The following PRCP variants were observed in gnomAD, a reference collection of about 807,000 sequenced individuals.
The protein encoded by PRCP is prolylcarboxypeptidase.
Under a neutral mutation model 54.2 loss-of-function variants are expected in PRCP, and 46 were observed. The ratio of observed to expected loss-of-function variants is 0.85; its 90% CI spans 0.67 to 1.09. PRCP has a LOEUF of 1.09. PRCP is among the 50% of genes least tolerant of loss of function. The probability of loss-of-function intolerance (pLI) is 0.00; values close to 1 mark genes in which losing one functional copy is unlikely to be tolerated. For missense variants in PRCP, 613 were observed against 596.8 expected (o/e 1.03, Z -0.28); for synonymous variants, 240 against 212.2 (o/e 1.13, Z -1.14).
At chr11:82,847,944 TTTGTA>T (rs1335853582) in intron 6 of PRCP, among the ~76,000 whole-genome samples, 2 of 152,196 alleles carry the variant, frequency 1.3e-5, no homozygotes, top group African/African-American at 4.8e-5. Context: ...TTTCAACAAC[TTTGTA>T]TTGTTGAAAT....
At chr11:82,860,903 G>A (rs946414063) in intron 1 of PRCP, among the ~76,000 whole-genome samples, 2 of 152,104 alleles carry the variant, frequency 1.3e-5, no homozygotes, top group African/African-American at 4.8e-5. Flanking sequence ...GTGCAAGGAA[G>A]CAAGAAAGTG....
chr11:82,861,831 T>C (rs1341807989), intron 1 of PRCP, among the ~76,000 whole-genome samples: 1 of 152,206 alleles, frequency 6.6e-6, no homozygotes, highest in Non-Finnish European at 1.5e-5. Flanking sequence ...GATTGGATCC[T>C]AGTTTGAACA....
Position 82,860,015 on chromosome 11 carries a change from C to T in PRCP, c.271G>A (p.Gly91Ser), listed in dbSNP as rs1241729781. ...KNGGSILFYTGNEGDIIWFCN... is the reference protein window; with the variant it reads ...KNGGSILFYTSNEGDIIWFCN... ...AACCAGATAATGTCCCCTTCATTAC[C>T]AGTGTAGAAAAGTATTGATCCACCA... Residue 91 changes from glycine to serine, a missense_variant, in exon 2 of 9, where the codon GGT (glycine) becomes AGT (serine). Coordinates refer to ENST00000313010, the MANE Select transcript of PRCP (RefSeq NM_005040.4). The T allele has an allele frequency of 6.3e-7, 1 of 1,589,568 alleles. No individual in the cohort carries two copies. Among genetic ancestry groups the T allele is most frequent in the Non-Finnish European group, 8.5e-7 (1 of 1,169,626 alleles).
chr11:82,857,583 C>T (rs1480984662), intron 2 of PRCP, among the ~76,000 whole-genome samples: 1 of 152,226 alleles, frequency 6.6e-6, no homozygotes, highest in African/African-American at 2.4e-5. Flanking sequence ...AGGTAGTCAA[C>T]ATCAATCGAT....
intron 8 of PRCP, chr11:82,827,544 C>T (rs148386735): frequency 5.9e-4 from 90 of 152,228 alleles, no homozygotes; most frequent in African/African-American, 2.1e-3. Context: ...ATTGTCTTGC[C>T]ACTTTTGTTA....
chr11:82,851,945 A>C (rs1858968706), intron 3 of PRCP, among the ~76,000 whole-genome samples: 1 of 151,710 alleles, frequency 6.6e-6, no homozygotes, highest in South Asian at 2.1e-4. Context: ...AGTTGAGTGC[A>C]TTTTTTTTCT....
intron 1 of PRCP, among the ~76,000 whole-genome samples, chr11:82,891,066 C>G (rs985518978): frequency 2.0e-5 from 3 of 152,164 alleles, no homozygotes; most frequent in Non-Finnish European, 4.4e-5. Context: ...GTATTACTTG[C>G]CCCACCTTTC....
At chr11:82,897,137 C>T (rs1029339328) in intron 1 of PRCP, among the ~76,000 whole-genome samples, 2 of 152,132 alleles carry the variant, frequency 1.3e-5, no homozygotes, top group Non-Finnish European at 2.9e-5. Flanking sequence ...CCCAGAGCCT[C>T]GATGTGCCCA....
At chr11:82,835,303 C>G (rs1403663672) in intron 8 of PRCP, among the ~76,000 whole-genome samples, 1 of 152,170 alleles carries the variant, frequency 6.6e-6, no homozygotes, top group African/African-American at 2.4e-5. Flanking sequence ...GTGCCACTAG[C>G]CTAAACTCAG....
chr11:82,874,795 G>C (rs909268785), intron 1 of PRCP, among the ~76,000 whole-genome samples: 13 of 151,776 alleles, frequency 8.6e-5, no homozygotes, highest in Admixed American at 5.9e-4. Context: ...GGTCAGAAAA[G>C]AAGTCCTGGA....
At chr11:82,900,117 G>T in intron 1 of PRCP, 118 bp downstream of exon 1, 1 of 1,327,932 alleles carries the variant, frequency 7.5e-7, no homozygotes, top group Non-Finnish European at 1.0e-6. Context: ...GCCAAAAACC[G>T]AACAGATCCT....
intron 5 of PRCP, 95 bp downstream of exon 5, chr11:82,849,819 T>C (rs1858901639): frequency 8.7e-7 from 1 of 1,150,768 alleles, no homozygotes; most frequent in Admixed American, 3.1e-5. Context: ...ACATTATACT[T>C]TAACAAAATG....
intron 8 of PRCP, chr11:82,826,567 C>T (rs1025970301): frequency 2.0e-5 from 3 of 152,124 alleles, no homozygotes; most frequent in African/African-American, 7.2e-5. Context: ...TTTTATATTC[C>T]CAGTAGCAAC....
chr11:82,837,385 G>C (rs1232041702), intron 8 of PRCP, among the ~76,000 whole-genome samples: 3 of 152,226 alleles, frequency 2.0e-5, no homozygotes, highest in African/African-American at 7.2e-5. Flanking sequence ...AGATGGCAAT[G>C]CTCAAGCTGG....
chr11:82,830,328 T>C (rs933081630), intron 8 of PRCP: 6 of 151,644 alleles, frequency 4.0e-5, no homozygotes, highest in Admixed American at 1.3e-4. Context: ...TGTAATACAA[T>C]CTAAAATTGC....
chr11:82,825,068 G>C lies in PRCP; in HGVS notation c.1329C>G (p.Asp443Glu). 6.2e-7 allele frequency: 1 copy of C among 1,614,032 alleles called. No homozygotes were observed. Among genetic ancestry groups the C allele is most frequent in the African/African-American group, 1.3e-5 (1 of 75,040 alleles). ...SGGGVTKDIT[D>E]TLVAVTISEG... ...CTGAGATGGTGACTGCAACCAGAGT[G>C]TCTGTGATATCCTTAGTTACTCCAC... The change falls in exon 9 of 9, where the codon GAC becomes GAG. Residue 443 changes from aspartate (D) to glutamate (E), a missense_variant. Coordinates refer to ENST00000313010, the MANE Select transcript of PRCP (RefSeq NM_005040.4).
intron 1 of PRCP, among the ~76,000 whole-genome samples, chr11:82,898,878 C>T (rs1413233405): frequency 2.0e-5 from 3 of 152,238 alleles, no homozygotes; most frequent in African/African-American, 7.2e-5. Flanking sequence ...GACACAGTGG[C>T]ACACGCCTGC....
upstream of PRCP, among the ~76,000 whole-genome samples, chr11:82,901,193 C>A (rs945566371): frequency 3.9e-5 from 6 of 152,150 alleles, no homozygotes. Context: ...CTGTGTTGCT[C>A]GCACAACCCA....
intron 6 of PRCP, among the ~76,000 whole-genome samples, chr11:82,847,450 AC>A (rs1220563528): frequency 6.6e-6 from 1 of 152,216 alleles, no homozygotes; most frequent in East Asian, 1.9e-4. Flanking sequence ...TCTACACAGT[AC>A]TTTTAAAAGA....
Sources: allele counts gnomAD v4.1 joint callset (sites outside exome capture counted in the v4.1 genomes callset), GRCh38; gene constraint gnomAD v4.1.1; transcripts MANE v1.5; gene names NCBI Gene and HGNC (gene_info 2026-07-23, HGNC 2026-07-21).